The following CDH13 variants were observed in gnomAD, a reference collection of about 807,000 sequenced individuals.
CDH13 encodes cadherin-13.
CDH13 carries 24 observed loss-of-function variants against 63.8 expected under a neutral mutation model. The observed-to-expected ratio is 0.38, with a 90% CI of 0.27 to 0.53. The LOEUF (loss-of-function observed/expected upper bound fraction) is 0.53. Among genes scored for constraint, CDH13 ranks in the 20% least tolerant of loss-of-function variants. The pLI is 0.85. For missense variants in CDH13, 1,049 were observed against 903.1 expected, an observed-to-expected ratio of 1.16 and a Z score of -2.07; for synonymous variants, 503 against 355.3, an observed-to-expected ratio of 1.42 and a Z score of -4.67.
chr16:83,708,232 C>G (rs1203427777), intron 10 of CDH13, among the ~76,000 whole-genome samples: 1 of 152,232 alleles, frequency 6.6e-6, no homozygotes, highest in South Asian at 2.1e-4. Context: ...CCTTGCAGCA[C>G]AAGCTCCTCT....
rs375766456 is a variant in CDH13 at position 83,698,972 on chromosome 16, G to T, written c.1538+20511G>T. Among the ~76,000 whole-genome samples the T allele has an allele frequency of 1.8e-4, 28 of 152,214 alleles. 1 individual carries two copies. The highest frequency in any genetic ancestry group is 5.8e-4 in the African/African-American group (24 of 41,454). ...TGGGCCATAGTTTGCCAACCCCCAT[G>T]GTACACCCCTACCAGCATTATGGTA... On this transcript the variant is annotated intron_variant, in intron 10 of 13. Coordinates refer to ENST00000567109, the MANE Select transcript of CDH13 (RefSeq NM_001257.5).
chr16:83,765,611 C>A (rs1335425713), intron 11 of CDH13, among the ~76,000 whole-genome samples: 1 of 151,852 alleles, frequency 6.6e-6, no homozygotes, highest in Non-Finnish European at 1.5e-5. Context: ...TTGGCAAGAT[C>A]TCTATTAGCA....
intron 2 of CDH13, among the ~76,000 whole-genome samples, chr16:82,918,756 A>C (rs1260682138): frequency 6.6e-6 from 1 of 151,896 alleles, no homozygotes; most frequent in African/African-American, 2.4e-5. Context: ...TGATCTGCCT[A>C]CCTCAACCCC....
intron 6 of CDH13, among the ~76,000 whole-genome samples, chr16:83,395,881 T>C (rs935833554): frequency 2.6e-5 from 4 of 152,210 alleles, no homozygotes; most frequent in Non-Finnish European, 5.9e-5. Context: ...GGAGTTGTTG[T>C]AGAGATTATC....
intron 3 of CDH13, among the ~76,000 whole-genome samples, chr16:83,053,080 G>T (rs774331905): frequency 6.6e-6 from 1 of 152,140 alleles, no homozygotes; most frequent in Non-Finnish European, 1.5e-5. Context: ...CGAATTTCCA[G>T]GAGTTAAATT....
chr16:82,883,894 T>A (rs1279360603), intron 2 of CDH13, among the ~76,000 whole-genome samples: 1 of 152,214 alleles, frequency 6.6e-6, no homozygotes, highest in Non-Finnish European at 1.5e-5. Flanking sequence ...GCCCAGCTGC[T>A]TGGATGCAAA....
Position 83,296,146 on chromosome 16 carries a change from T to C in CDH13, c.637-48716T>C, listed in dbSNP as rs138820875. On this transcript the variant is annotated intron_variant, in intron 5 of 13. Coordinates refer to ENST00000567109, the MANE Select transcript of CDH13 (RefSeq NM_001257.5). ...CTTAGCATTCTTTTCTCAGAGAACA[T>C]GTGTATAGTCCTTGTATAGGGCCAT... is the stretch of plus-strand genomic sequence containing the variant. Among the ~76,000 whole-genome samples, 497 of 152,298 alleles carry C rather than the reference T, an allele frequency of 3.3e-3. 8 individuals are homozygous for C. The highest frequency in any genetic ancestry group is 0.011 in the African/African-American group (471 of 41,578).
chr16:82,668,146 A>G (rs1912823446), intron 1 of CDH13, among the ~76,000 whole-genome samples: 1 of 152,100 alleles, frequency 6.6e-6, no homozygotes, highest in Admixed American at 6.5e-5. Context: ...AAAGACTTGC[A>G]GGAGGCAGCA....
At chr16:82,805,621 C>G (rs2037102937) in intron 1 of CDH13, among the ~76,000 whole-genome samples, 3 of 152,134 alleles carry the variant, frequency 2.0e-5, no homozygotes, top group Admixed American at 2.0e-4. Context: ...TTCTGTGAGT[C>G]AGAGTCAAAG....
chr16:82,789,144 C>G (rs890876084), intron 1 of CDH13, among the ~76,000 whole-genome samples: 5 of 152,148 alleles, frequency 3.3e-5, no homozygotes, highest in Non-Finnish European at 7.4e-5. Flanking sequence ...ACACCCCACC[C>G]CATCCTACCC....
intron 6 of CDH13, among the ~76,000 whole-genome samples, chr16:83,475,011 C>G (rs944075975): frequency 2.6e-5 from 4 of 152,234 alleles, no homozygotes; most frequent in African/African-American, 9.6e-5. Context: ...GTCCAGGTGA[C>G]CCCCTGTGTT....
chr16:83,066,447 C>A (rs909255989), intron 3 of CDH13, among the ~76,000 whole-genome samples: 1 of 152,112 alleles, frequency 6.6e-6, no homozygotes, highest in Admixed American at 6.6e-5. Context: ...AGCTGGGAGG[C>A]CTTCTGACCG....
intron 4 of CDH13, among the ~76,000 whole-genome samples, chr16:83,213,763 G>A (rs1440225316): frequency 6.6e-6 from 1 of 152,164 alleles, no homozygotes; most frequent in Non-Finnish European, 1.5e-5. Context: ...AAGCCAGCTG[G>A]ACTTCCTGGG....
At chr16:82,737,928 A>G (rs1297389358) in intron 1 of CDH13, among the ~76,000 whole-genome samples, 1 of 152,156 alleles carries the variant, frequency 6.6e-6, no homozygotes, top group Non-Finnish European at 1.5e-5. Context: ...TCACCTCCAA[A>G]CGTTTCCTTA....
At chr16:82,887,623 C>T (rs995777530) in intron 2 of CDH13, among the ~76,000 whole-genome samples, 1 of 152,132 alleles carries the variant, frequency 6.6e-6, no homozygotes. Flanking sequence ...GAGTTCGAGA[C>T]GAGTCTGGCC....
intron 5 of CDH13, among the ~76,000 whole-genome samples, chr16:83,275,207 G>T (rs2088949223): frequency 6.6e-6 from 1 of 152,174 alleles, no homozygotes; most frequent in South Asian, 2.1e-4. Context: ...GCCTTAAGCA[G>T]CTGGGAAAGG....
intron 1 of CDH13, among the ~76,000 whole-genome samples, chr16:82,789,201 C>G (rs888081958): frequency 6.6e-6 from 1 of 152,198 alleles, no homozygotes; most frequent in Non-Finnish European, 1.5e-5. Context: ...GTCATCCAGT[C>G]TCTGTGTGGT....
intron 3 of CDH13, among the ~76,000 whole-genome samples, chr16:83,065,080 C>G (rs991170758): frequency 1.4e-4 from 21 of 152,098 alleles, no homozygotes; most frequent in Non-Finnish European, 8.8e-5. Flanking sequence ...TTTGATTTCC[C>G]ATACAAGTGA....
At chr16:82,812,937 A>G (rs566955708) in intron 1 of CDH13, among the ~76,000 whole-genome samples, 45 of 152,042 alleles carry the variant, frequency 3.0e-4, no homozygotes, top group Non-Finnish European at 5.9e-4. Flanking sequence ...TGATGGCATA[A>G]AGCTTCTGAG....
Sources: allele counts gnomAD v4.1 joint callset (sites outside exome capture counted in the v4.1 genomes callset), GRCh38; gene constraint gnomAD v4.1.1; transcripts MANE v1.5; gene names NCBI Gene and HGNC (gene_info 2026-07-23, HGNC 2026-07-21).